RNF130: variants seen among roughly 807,000 people sequenced by gnomAD.
RNF130 encodes ring finger protein 130.
RNF130 carries 21 observed loss-of-function variants against 44.6 expected under a neutral mutation model. The ratio of observed to expected loss-of-function variants is 0.47; its 90% confidence interval spans 0.33 to 0.68. RNF130 has a LOEUF of 0.68. Among genes scored for constraint, RNF130 ranks in the 30% least tolerant of loss-of-function variants. The probability of loss-of-function intolerance (pLI) is 0.02; values close to 1 mark genes in which losing one functional copy is unlikely to be tolerated. For missense variants in RNF130, 479 were observed against 560.6 expected (o/e 0.85, Z 1.47); for synonymous variants, 214 against 210.4 (o/e 1.02, Z -0.15).
intron 5 of RNF130, among the ~76,000 whole-genome samples, chr5:179,971,455 C>T (rs757484834): frequency 3.9e-5 from 6 of 152,180 alleles, no homozygotes; most frequent in Non-Finnish European, 5.9e-5. Flanking sequence ...CTGCAAGCTC[C>T]GCCTCCCGGG....
intron 1 of RNF130, among the ~76,000 whole-genome samples, chr5:180,060,716 C>T (rs1355802160): frequency 4.6e-5 from 7 of 152,074 alleles, no homozygotes; most frequent in Admixed American, 2.0e-4. Context: ...AAAGGTACAC[C>T]GCTTTCATCA....
chr5:179,995,705 C>T (rs1763184598), intron 3 of RNF130, among the ~76,000 whole-genome samples: 1 of 152,242 alleles, frequency 6.6e-6, no homozygotes, highest in African/African-American at 2.4e-5. Flanking sequence ...GGATTGCACA[C>T]TTCCCCAGTG....
chr5:180,052,311 T>C (rs1031643093), intron 1 of RNF130, among the ~76,000 whole-genome samples: 3 of 152,222 alleles, frequency 2.0e-5, no homozygotes, highest in African/African-American at 7.2e-5. Flanking sequence ...TAGCTTCCTC[T>C]CACATGTGAC....
chr5:180,013,760 T>C (rs1359733627), intron 2 of RNF130, among the ~76,000 whole-genome samples: 2 of 152,234 alleles, frequency 1.3e-5, no homozygotes, highest in Non-Finnish European at 2.9e-5. Context: ...GCTGTTTTTA[T>C]AGCATAAATT....
intron 6 of RNF130, among the ~76,000 whole-genome samples, chr5:179,969,595 T>C (rs895206952): frequency 2.0e-5 from 3 of 152,056 alleles, no homozygotes; most frequent in Non-Finnish European, 2.9e-5. Context: ...ATGCCAGGTG[T>C]GGTGACTCAC....
chr5:180,041,543 C>A (rs148996648), intron 1 of RNF130, among the ~76,000 whole-genome samples: 1 of 152,186 alleles, frequency 6.6e-6, no homozygotes, highest in Admixed American at 6.5e-5. Flanking sequence ...AAGAAGCCCC[C>A]GGCTGCTCTT....
chr5:180,066,370 G>C (rs1765107566), intron 1 of RNF130, among the ~76,000 whole-genome samples: 1 of 152,192 alleles, frequency 6.6e-6, no homozygotes, highest in South Asian at 2.1e-4. Flanking sequence ...ATGTGAAACT[G>C]TATATCCAAT....
At chr5:179,996,119 CTCT>C (rs1763192281) in intron 3 of RNF130, among the ~76,000 whole-genome samples, 1 of 152,038 alleles carries the variant, frequency 6.6e-6, no homozygotes, top group African/African-American at 2.4e-5. Flanking sequence ...TTTTTGTTTC[CTCT>C]TCAATTTCTG....
rs555873445 is a variant in RNF130, at chr5:179,945,755, G to A, written c.1150+21051C>T. ...AAGCTTATGAGCGGTGTCCGGCCTC[G>A]GCAGGAACCTAAATACTACGCGCCG... On this transcript the variant is annotated intron_variant, in intron 7 of 7. Transcript: ENST00000522208. Among the ~76,000 whole-genome samples the A allele has an allele frequency of 1.6e-4, 25 of 152,166 alleles. 1 individual carries two copies. The South Asian group carries it at 3.5e-3, about 21-fold the overall frequency.
intron 2 of RNF130, among the ~76,000 whole-genome samples, chr5:180,034,312 C>A (rs369243733): frequency 6.6e-6 from 1 of 151,650 alleles, no homozygotes; most frequent in Non-Finnish European, 1.5e-5. Context: ...TGCCTACATT[C>A]GTAAGGGATA....
intron 5 of RNF130, among the ~76,000 whole-genome samples, chr5:179,975,592 T>C (rs1206530857): frequency 6.6e-6 from 1 of 152,290 alleles, no homozygotes; most frequent in Non-Finnish European, 1.5e-5. Flanking sequence ...GGCTGTGTGG[T>C]GCAGTCTCAG....
At chr5:179,919,265 T>A (rs1016808148) in exon 8 of RNF130, 22 of 152,320 alleles carry the variant, frequency 1.4e-4, no homozygotes, top group African/African-American at 4.6e-4. Context: ...ATGTCCCTGA[T>A]GCCTGGGATG....
At chr5:179,989,431 T>C (rs765419183) in intron 3 of RNF130, among the ~76,000 whole-genome samples, 8 of 152,358 alleles carry the variant, frequency 5.3e-5, no homozygotes, top group Non-Finnish European at 1.2e-4. Flanking sequence ...TTATGGGTGC[T>C]ATGGTGTTGG....
chr5:180,002,001 A>G (rs1397387787), intron 3 of RNF130, among the ~76,000 whole-genome samples: 1 of 152,034 alleles, frequency 6.6e-6, no homozygotes, highest in Non-Finnish European at 1.5e-5. Flanking sequence ...CAAGGCACCA[A>G]CTCCCCAAAG....
chr5:180,070,245 C>T lies in RNF130; in HGVS notation c.247+1211G>A, dbSNP rs140773929. Reference sequence around the variant, plus strand: ...GAACCCAAGACAAAAGTTGTTTCTACGGCCAAGCTGGGACCCTAACTGCCA... The same window carrying T: ...GAACCCAAGACAAAAGTTGTTTCTATGGCCAAGCTGGGACCCTAACTGCCA... On this transcript the variant is annotated intron_variant, in intron 1 of 8. Transcript: ENST00000521389. Among the ~76,000 whole-genome samples the T allele has an allele frequency of 7.5e-4, 114 of 152,326 alleles. 1 individual carries two copies. In the East Asian group the frequency reaches 0.013, roughly 17 times the overall value.
intron 3 of RNF130, among the ~76,000 whole-genome samples, chr5:179,987,441 T>C (rs1762981185): frequency 6.6e-6 from 1 of 152,230 alleles, no homozygotes; most frequent in African/African-American, 2.4e-5. Context: ...AGTGCTGCGA[T>C]TACAGGTGTG....
At chr5:179,912,104 T>C (rs1352021390) in exon 8 of RNF130, 3 of 152,352 alleles carry the variant, frequency 2.0e-5, no homozygotes, top group African/African-American at 4.8e-5. Flanking sequence ...ACCTGTGCTA[T>C]AGTTAGAAAA....
intron 3 of RNF130, among the ~76,000 whole-genome samples, chr5:180,012,233 A>C (rs765437304): frequency 3.9e-5 from 6 of 152,230 alleles, no homozygotes; most frequent in Non-Finnish European, 7.3e-5. Flanking sequence ...TAAAAATCCC[A>C]GTGTGCCCAT....
chr5:180,041,890 G>C (rs1306302819), intron 1 of RNF130, among the ~76,000 whole-genome samples: 1 of 152,114 alleles, frequency 6.6e-6, no homozygotes, highest in Non-Finnish European at 1.5e-5. Context: ...CACCCTGGGC[G>C]ACAAAGTGAA....
Sources: gnomAD v4.1 joint callset for allele counts (sites outside exome capture counted in the v4.1 genomes callset) on GRCh38, gnomAD v4.1.1 for gene constraint, MANE v1.5 for transcripts, NCBI Gene and HGNC (gene_info 2026-07-23, HGNC 2026-07-21) for gene names.